The following TNFRSF1B variants were observed in gnomAD, a reference collection of about 807,000 sequenced individuals.
The protein encoded by TNFRSF1B is tumor necrosis factor receptor superfamily member 1B.
Under a neutral mutation model 44.6 loss-of-function variants are expected in TNFRSF1B, and 19 were observed. The observed-to-expected ratio is 0.43, with a 90% confidence interval of 0.30 to 0.62. The LOEUF is 0.62. TNFRSF1B is among the 20% of genes least tolerant of loss of function. The pLI is 0.16. For synonymous variants in TNFRSF1B, 252 were observed against 261.1 expected, an observed-to-expected ratio of 0.97 and a Z score of 0.34; for missense variants, 541 against 619.9, an observed-to-expected ratio of 0.87 and a Z score of 1.35.
chr1:12,202,811 G>C (rs1207646038), intron 9 of TNFRSF1B, among the ~76,000 whole-genome samples: 1 of 152,230 alleles, frequency 6.6e-6, no homozygotes, highest in Non-Finnish European at 1.5e-5. Flanking sequence ...GCTTCTTCAA[G>C]GGCACATGGC....
At chr1:12,183,697 T>TATCTA (rs1399735339) in intron 1 of TNFRSF1B, among the ~76,000 whole-genome samples, 3 of 130,602 alleles carry the variant, frequency 2.3e-5, no homozygotes, top group African/African-American at 5.4e-5. Context: ...TCTATCTATC[T>TATCTA]ATCTATCTAT....
intron 1 of TNFRSF1B, among the ~76,000 whole-genome samples, chr1:12,175,653 G>A (rs1052916597): frequency 1.3e-5 from 2 of 152,144 alleles, no homozygotes; most frequent in Admixed American, 1.3e-4. Context: ...GCTCCTTCCT[G>A]TCCTGGCCCC....
At chr1:12,192,058 C>A in intron 4 of TNFRSF1B, 135 bp downstream of exon 4, 1 of 1,225,804 alleles carries the variant, frequency 8.2e-7, no homozygotes, top group South Asian at 1.5e-5. Flanking sequence ...TGCCTGCTAC[C>A]CATCCGTCTG....
chr1:12,201,765 T>C (rs1042511481), intron 8 of TNFRSF1B, among the ~76,000 whole-genome samples: 1 of 152,146 alleles, frequency 6.6e-6, no homozygotes, highest in African/African-American at 2.4e-5. Flanking sequence ...TGGGTGCTAA[T>C]AACAGAAACA....
intron 3 of TNFRSF1B, 31 bp from the exon 4 acceptor site, chr1:12,191,743 G>A (rs757190166): frequency 7.4e-6 from 12 of 1,611,558 alleles, no homozygotes; most frequent in East Asian, 2.2e-5. Flanking sequence ...GGAGGCAGGC[G>A]TGACCGTTTG....
chr1:12,194,524 A>G, intron 7 of TNFRSF1B, 60 bp from the exon 8 acceptor site: 2 of 1,606,728 alleles, frequency 1.2e-6, no homozygotes, highest in East Asian at 4.5e-5. Flanking sequence ...CTGCCCTCCT[A>G]CTTAGGACAG....
Position 12,191,870 on chromosome 1 carries a change from G to A in TNFRSF1B, c.404G>A (p.Arg135Gln). The A allele has an allele frequency of 1.9e-6, 3 of 1,611,660 alleles. No individual in the cohort carries two copies. Among genetic ancestry groups the A allele is most frequent in the Non-Finnish European group, 2.5e-6 (3 of 1,179,538 alleles). Residue 135 changes from arginine to glutamine, a missense_variant, in exon 4 of 10, where the codon CGG (arginine) becomes CAG (glutamine). Transcript: ENST00000376259. ...YCALSKQEGC[R>Q]LCAPLRKCRP... ...GCGCTGAGCAAGCAGGAGGGGTGCC[G>A]GCTGTGCGCGCCGCTGCGCAAGTGC...
intron 8 of TNFRSF1B, among the ~76,000 whole-genome samples, chr1:12,198,659 TGCTG>T (rs138944650): frequency 3.7e-4 from 52 of 141,382 alleles, no homozygotes; most frequent in African/African-American, 6.1e-4. Context: ...GAGCTGAGGG[TGCTG>T]GCTGGCTGGC....
rs985128185 is a variant in TNFRSF1B, at chr1:12,177,138, G to C, written c.78+9969G>C. On this transcript the variant is annotated intron_variant, in intron 1 of 9. Coordinates refer to ENST00000376259, the MANE Select transcript of TNFRSF1B (RefSeq NM_001066.3). This position sits in a 1 kb window ranked among gnomAD's most constrained non-coding sequence, Gnocchi z 4.3. ...CCACCTCAGCCTCCCAAGTAGCTGG[G>C]ACTACAGGCGTGCCCCACCACGCCT... Among the ~76,000 whole-genome samples the C allele has an allele frequency of 4.6e-5, 7 of 152,120 alleles. No homozygotes were observed. The highest frequency in any genetic ancestry group is 8.8e-5 in the Non-Finnish European group (6 of 68,000).
At chr1:12,192,771 C>T in intron 5 of TNFRSF1B, 92 bp from the exon 6 acceptor site, 2 of 1,150,442 alleles carry the variant, frequency 1.7e-6, no homozygotes, top group South Asian at 1.4e-5. Context: ...TCGTCACTCT[C>T]CTATCCTGCC....
rs919987446 is a variant in TNFRSF1B, at chr1:12,207,075, A to G, written c.*55A>G. On this transcript the variant is annotated 3_prime_UTR_variant, in exon 10 of 10. Transcript: ENST00000376259. ...AGGTGGGCTGAGCCCTGGCAGGATG[A>G]CCCTGCGAAGGGGCCCTGGTCCTTC... 1.1e-5 allele frequency: 16 copies of G among 1,506,150 alleles called. No individual in the cohort carries two copies. The highest frequency in any genetic ancestry group is 5.4e-5 in the South Asian group (4 of 74,758). 93.3% of individuals were successfully genotyped at this position (1,506,150 alleles called of 1,614,324 possible). A position where few individuals can be genotyped will look rare whatever the true frequency, so the allele number is the denominator to read the frequency against.
At chr1:12,191,450 G>A (rs1639123561) in intron 3 of TNFRSF1B, among the ~76,000 whole-genome samples, 1 of 151,970 alleles carries the variant, frequency 6.6e-6, no homozygotes, top group Non-Finnish European at 1.5e-5. Flanking sequence ...GCACTGCGGG[G>A]AGGAGCAGGA....
At chr1:12,192,792 C>G in intron 5 of TNFRSF1B, 71 bp from the exon 6 acceptor site, 3 of 1,350,036 alleles carry the variant, frequency 2.2e-6, no homozygotes, top group Admixed American at 1.9e-5. Context: ...TGCTGGGGCC[C>G]GTGAATGAGC....
rs1297249287 is a variant in TNFRSF1B at position 12,206,071 on chromosome 1, T to G, written c.1106-669T>G. 1.7e-4 allele frequency among the ~76,000 whole-genome samples: 26 copies of G among 152,044 alleles called. 1 individual carries two copies. Among genetic ancestry groups the G allele is most frequent in the Admixed American group, 1.7e-3 (26 of 15,266 alleles). On this transcript the variant is annotated intron_variant, in intron 9 of 9. Transcript: ENST00000376259. Reference sequence around the variant, plus strand: ...TGTGATGAGCAGGAGAGGTTTTGGATGCGAGATGGGAGTAGAATCAAGAGT... The same window carrying G: ...TGTGATGAGCAGGAGAGGTTTTGGAGGCGAGATGGGAGTAGAATCAAGAGT...
Position 12,192,979 on chromosome 1 carries a change from G to T in TNFRSF1B, c.668G>T (p.Arg223Leu). The change falls in exon 6 of 10, where the codon CGA becomes CTA. Residue 223 changes from arginine to leucine, a missense_variant. By Grantham distance (102) the Arg-to-Leu change is moderately radical (BLOSUM62 -2). Coordinates refer to ENST00000376259, the MANE Select transcript of TNFRSF1B (RefSeq NM_001066.3). ...AVHLPQPVST[R>L]SQHTQPTPEP... ...CACTTACCCCAGCCAGTGTCCACAC[G>T]ATCCCAACACACGCAGCCAACTCCA... 3.1e-6 allele frequency: 5 copies of T among 1,614,138 alleles called. No individual in the cohort carries two copies. The highest frequency in any genetic ancestry group is 3.4e-6 in the Non-Finnish European group (4 of 1,180,022).
In TNFRSF1B at chr1:12,196,822, C is replaced by T. The variant is rs189111576; in HGVS notation, c.900+2204C>T. On this transcript the variant is annotated intron_variant, in intron 8 of 9. Coordinates refer to ENST00000376259, the MANE Select transcript of TNFRSF1B (RefSeq NM_001066.3). ...GGCGTGCGTAGAGCAGGTGTCTCCCCCAAGCTCTTCCGCAGCAGCCCAGCT... is the reference window on the plus strand; with the variant it reads ...GGCGTGCGTAGAGCAGGTGTCTCCCTCAAGCTCTTCCGCAGCAGCCCAGCT... Among the ~76,000 whole-genome samples the T allele has an allele frequency of 1.3e-3, 198 of 152,344 alleles. 2 individuals carry two copies. The highest frequency in any genetic ancestry group is 1.6e-3 in the Non-Finnish European group (106 of 68,034).
chr1:12,170,465 G>A lies in TNFRSF1B; in HGVS notation c.78+3296G>A, dbSNP rs674846. 6.3e-3 allele frequency among the ~76,000 whole-genome samples: 959 copies of A among 152,296 alleles called. 7 individuals are homozygous for A. Among genetic ancestry groups the A allele is most frequent in the African/African-American group, 0.021 (890 of 41,546 alleles). ...CTGAGAACCTGCCGGGCATTCTTAC[G>A]TCAGAGGTGACCCTGCCATCCTGGC... On this transcript the variant is annotated intron_variant, in intron 1 of 9. Coordinates refer to ENST00000376259, the MANE Select transcript of TNFRSF1B (RefSeq NM_001066.3).
At chr1:12,206,376 A>G (rs77257356) in intron 9 of TNFRSF1B, among the ~76,000 whole-genome samples, 24 of 151,620 alleles carry the variant, frequency 1.6e-4, no homozygotes, top group Admixed American at 1.6e-3. Context: ...AAAAAAAAAA[A>G]AGACAGAAGA....
chr1:12,194,041 C>T lies in TNFRSF1B; in HGVS notation c.865+9C>T, dbSNP rs763716271. On this transcript the variant is annotated intron_variant, in intron 7 of 9. Transcript: ENST00000376259. Reference sequence around the variant, plus strand: ...CATGACCCAGGTGAAAAGTAAGAGTCCATCCTTCCTTCCTTCATCCACTTG... The same window carrying T: ...CATGACCCAGGTGAAAAGTAAGAGTTCATCCTTCCTTCCTTCATCCACTTG... The T allele has an allele frequency of 1.2e-6, 2 of 1,611,618 alleles. No individual in the cohort carries two copies. Among genetic ancestry groups the T allele is most frequent in the Admixed American group, 3.3e-5 (2 of 60,006 alleles).
Sources: allele counts gnomAD v4.1 joint callset (sites outside exome capture counted in the v4.1 genomes callset), GRCh38; gene constraint gnomAD v4.1.1; non-coding constraint Gnocchi (gnomAD v3.1); transcripts MANE v1.5; gene names NCBI Gene and HGNC (gene_info 2026-07-23, HGNC 2026-07-21).